The following CA10 variants were observed in gnomAD, a reference collection of about 807,000 sequenced individuals.
CA10 encodes the protein carbonic anhydrase-related protein 10.
In CA10, 14 loss-of-function variants were observed where a neutral mutation model predicts 44.2. That is an observed-to-expected ratio of 0.32 (90% confidence interval 0.21 to 0.50). The LOEUF (loss-of-function observed/expected upper bound fraction) is 0.50, where lower values mean the gene tolerates loss of function less well. Ranked by LOEUF, CA10 falls within the 20% of genes least tolerant of loss-of-function variation. The pLI is 0.99. For synonymous variants in CA10, 159 were observed against 141.6 expected (o/e 1.12, Z -0.87); for missense variants, 350 against 409.7 (o/e 0.85, Z 1.26).
At chr17:51,657,115 C>G (rs1484842884) in intron 4 of CA10, among the ~76,000 whole-genome samples, 1 of 152,108 alleles carries the variant, frequency 6.6e-6, no homozygotes, top group Non-Finnish European at 1.5e-5. Flanking sequence ...CTCTATAGGC[C>G]TTTGCAGTTT....
chr17:52,041,148 G>T (rs893173329), intron 2 of CA10, among the ~76,000 whole-genome samples: 1 of 151,882 alleles, frequency 6.6e-6, no homozygotes, highest in African/African-American at 2.4e-5. Context: ...CATACTAGAA[G>T]AAAATCCAAC....
intron 3 of CA10, among the ~76,000 whole-genome samples, chr17:51,765,426 C>T (rs1309371103): frequency 6.6e-6 from 1 of 152,152 alleles, no homozygotes; most frequent in Non-Finnish European, 1.5e-5. Context: ...GAAATATACT[C>T]TTAATAGAGA....
At chr17:52,007,492 G>A (rs766800041) in intron 2 of CA10, among the ~76,000 whole-genome samples, 1 of 151,452 alleles carries the variant, frequency 6.6e-6, no homozygotes, top group Non-Finnish European at 1.5e-5. Flanking sequence ...AAGTGATTGT[G>A]TGATTGTTTT....
At chr17:51,802,647 T>G (rs1906980466) in intron 3 of CA10, among the ~76,000 whole-genome samples, 1 of 151,076 alleles carries the variant, frequency 6.6e-6, no homozygotes, top group African/African-American at 2.4e-5. Context: ...ATCCTGAAGT[T>G]GGGAGGAAGG....
At chr17:52,048,688 C>T (rs1021314931) in intron 2 of CA10, among the ~76,000 whole-genome samples, 1 of 151,900 alleles carries the variant, frequency 6.6e-6, no homozygotes, top group African/African-American at 2.4e-5. Context: ...TGCTGAGAGG[C>T]ATGACAAAGC....
chr17:51,808,717 G>T (rs1329967465), intron 3 of CA10, among the ~76,000 whole-genome samples: 2 of 152,096 alleles, frequency 1.3e-5, no homozygotes, highest in Admixed American at 6.6e-5. Flanking sequence ...TGGAAAAAGC[G>T]AGCAAAATTG....
rs74531645 is a variant in CA10 at position 51,652,548 on chromosome 17, C to T, written c.561+1093G>A. Among the ~76,000 whole-genome samples, 5 of 152,316 alleles carry T rather than the reference C, an allele frequency of 3.3e-5. No homozygotes were observed. The East Asian group carries it at 7.7e-4, about 23-fold the overall frequency. On this transcript the variant is annotated intron_variant, in intron 5 of 8. Coordinates refer to ENST00000451037, the MANE Select transcript of CA10 (RefSeq NM_020178.5). ...TAGCAACATGCCATGGATGCCCCAT[C>T]CAGCCCCTGCCCAGTGCATAGGTCT...
chr17:51,982,165 G>T (rs1984674391), intron 2 of CA10, among the ~76,000 whole-genome samples: 1 of 151,976 alleles, frequency 6.6e-6, no homozygotes, highest in Non-Finnish European at 1.5e-5. Context: ...ACATCAAGGA[G>T]AAATTATGCA....
At chr17:51,822,433 CAAA>C (rs1225219966) in intron 3 of CA10, among the ~76,000 whole-genome samples, 1 of 150,786 alleles carries the variant, frequency 6.6e-6, no homozygotes, top group African/African-American at 2.4e-5. Flanking sequence ...AAAACAAAAA[CAAA>C]AACAAAAACA....
intron 3 of CA10, among the ~76,000 whole-genome samples, chr17:51,780,951 C>T (rs1209199745): frequency 2.6e-5 from 4 of 152,112 alleles, no homozygotes; most frequent in Non-Finnish European, 5.9e-5. Context: ...TGGCAGTGGG[C>T]TAATAAAACT....
At chr17:52,114,804 T>G (rs112303035) in intron 1 of CA10, among the ~76,000 whole-genome samples, 4 of 152,302 alleles carry the variant, frequency 2.6e-5, no homozygotes, top group African/African-American at 9.6e-5. Context: ...ATTGTCCTTC[T>G]TCCTATCAGG....
intron 2 of CA10, among the ~76,000 whole-genome samples, chr17:51,965,846 G>T (rs1326148666): frequency 1.3e-5 from 2 of 151,734 alleles, no homozygotes; most frequent in African/African-American, 4.8e-5. Context: ...ATTTAACATA[G>T]TACTAAAAGT....
intron 4 of CA10, among the ~76,000 whole-genome samples, chr17:51,746,005 T>C (rs1598023596): frequency 6.6e-6 from 1 of 152,218 alleles, no homozygotes; most frequent in East Asian, 1.9e-4. Flanking sequence ...ATTACATTTC[T>C]TGTTGTACTC....
chr17:52,134,895 C>A (rs763577148), intron 1 of CA10: 4 of 519,022 alleles, frequency 7.7e-6, no homozygotes, highest in Admixed American at 5.8e-5. Context: ...CCCTCACCCC[C>A]ACCATACACA....
intron 3 of CA10, among the ~76,000 whole-genome samples, chr17:51,865,687 G>A (rs1309087281): frequency 1.3e-5 from 2 of 152,198 alleles, no homozygotes; most frequent in Non-Finnish European, 2.9e-5. Flanking sequence ...AAGATGGGTG[G>A]TGAAATAGCT....
At chr17:51,926,187 G>C (rs1490197642) in intron 3 of CA10, among the ~76,000 whole-genome samples, 1 of 152,120 alleles carries the variant, frequency 6.6e-6, no homozygotes, top group Non-Finnish European at 1.5e-5. Flanking sequence ...ATGATACTGA[G>C]AGTGGAGAGG....
At chr17:52,000,827 G>A (rs1179888658) in intron 2 of CA10, among the ~76,000 whole-genome samples, 1 of 148,030 alleles carries the variant, frequency 6.8e-6, no homozygotes, top group Admixed American at 6.7e-5. Flanking sequence ...AATATTAAGA[G>A]AGGTTAAGTT....
chr17:51,807,766 A>G (rs1182730714), intron 3 of CA10, among the ~76,000 whole-genome samples: 4 of 152,258 alleles, frequency 2.6e-5, no homozygotes, highest in Non-Finnish European at 4.4e-5. Flanking sequence ...AGACAAAAAA[A>G]GAGTCCAGAC....
chr17:51,992,742 C>T (rs190901306), intron 2 of CA10, among the ~76,000 whole-genome samples: 22 of 152,142 alleles, frequency 1.4e-4, no homozygotes, highest in Non-Finnish European at 2.9e-4. Flanking sequence ...AAAACAAAAA[C>T]AACCAGGACA....
Sources: gnomAD v4.1 joint callset for allele counts (sites outside exome capture counted in the v4.1 genomes callset) on GRCh38, gnomAD v4.1.1 for gene constraint, MANE v1.5 for transcripts, NCBI Gene and HGNC (gene_info 2026-07-23, HGNC 2026-07-21) for gene names.